Variants in CMSS1 observed in about 807,000 individuals in gnomAD.
CMSS1 encodes protein CMSS1.
CMSS1 carries 33 observed loss-of-function variants against 43.5 expected under a neutral mutation model. The observed-to-expected ratio is 0.76, with a 90% CI of 0.57 to 1.01. The LOEUF is 1.01. CMSS1 is among the 50% of genes least tolerant of loss of function. The pLI is 0.00. For synonymous variants in CMSS1, 115 were observed against 117.2 expected (o/e 0.98, Z 0.12); for missense variants, 313 against 326.4 (o/e 0.96, Z 0.32).
intron 1 of CMSS1, among the ~76,000 whole-genome samples, chr3:100,020,190 A>C (rs1374967202): frequency 6.6e-6 from 1 of 152,100 alleles, no homozygotes; most frequent in African/African-American, 2.4e-5. Context: ...TTGTATCTTC[A>C]TTTATTTTAT....
At chr3:99,968,480 A>G (rs1708721627) in intron 1 of CMSS1, among the ~76,000 whole-genome samples, 1 of 152,050 alleles carries the variant, frequency 6.6e-6, no homozygotes, top group Non-Finnish European at 1.5e-5. Flanking sequence ...CCTTGCAGGC[A>G]GGCTATCCAG....
intron 1 of CMSS1, among the ~76,000 whole-genome samples, chr3:99,853,608 G>A (rs1359416536): frequency 6.6e-6 from 1 of 152,110 alleles, no homozygotes; most frequent in South Asian, 2.1e-4. Flanking sequence ...TTTCAGCCTG[G>A]GGCATGTTGC....
chr3:99,936,882 C>T (rs953021688), intron 1 of CMSS1, among the ~76,000 whole-genome samples: 74 of 152,206 alleles, frequency 4.9e-4, no homozygotes, highest in Admixed American at 3.2e-3. Context: ...AAATGAAGCC[C>T]TACTATGTCA....
At chr3:99,910,030 A>G (rs1706743468) in intron 1 of CMSS1, among the ~76,000 whole-genome samples, 1 of 91,132 alleles carries the variant, frequency 1.1e-5, no homozygotes, top group African/African-American at 3.0e-5. Flanking sequence ...CTGATTACTT[A>G]ACAGTGAAGG....
At chr3:99,994,873 C>T (rs1274948021) in intron 1 of CMSS1, among the ~76,000 whole-genome samples, 1 of 152,170 alleles carries the variant, frequency 6.6e-6, no homozygotes, top group Admixed American at 6.5e-5. Context: ...GAGAAACTGC[C>T]TTCATGATTC....
chr3:100,033,392 A>G (rs1317519768), intron 1 of CMSS1, among the ~76,000 whole-genome samples: 5 of 152,212 alleles, frequency 3.3e-5, no homozygotes, highest in Non-Finnish European at 7.4e-5. Flanking sequence ...GAAGGCTTCC[A>G]TCAAACCCTC....
intron 1 of CMSS1, among the ~76,000 whole-genome samples, chr3:100,052,640 C>T (rs1253793540): frequency 6.6e-6 from 1 of 152,178 alleles, no homozygotes; most frequent in Non-Finnish European, 1.5e-5. Flanking sequence ...AGTATTAACA[C>T]TGAGAATCCA....
chr3:99,881,391 A>G (rs573331760), intron 1 of CMSS1, among the ~76,000 whole-genome samples: 163 of 152,182 alleles, frequency 1.1e-3, no homozygotes, highest in Non-Finnish European at 1.2e-3. Flanking sequence ...GTGAAAAAAA[A>G]CCCCCAAATC....
At chr3:99,853,197 TAAAA>T (rs947652735) in intron 1 of CMSS1, among the ~76,000 whole-genome samples, 1 of 152,074 alleles carries the variant, frequency 6.6e-6, no homozygotes, top group South Asian at 2.1e-4. Flanking sequence ...GTGAAATAGT[TAAAA>T]AAAACTTTGG....
chr3:99,892,536 G>A (rs757939480), intron 1 of CMSS1, among the ~76,000 whole-genome samples: 4 of 152,144 alleles, frequency 2.6e-5, no homozygotes, highest in African/African-American at 4.8e-5. Flanking sequence ...TGACTCCCTG[G>A]TTCTTGTGGC....
intron 9 of CMSS1, 72 bp downstream of exon 9, chr3:100,176,487 G>T: frequency 1.0e-6 from 1 of 956,648 alleles, no homozygotes; most frequent in Non-Finnish European, 1.7e-6. Context: ...CAGTAATAAA[G>T]TCTTTGACAT....
At chr3:99,913,103 A>T (rs1706843184) in intron 1 of CMSS1, among the ~76,000 whole-genome samples, 1 of 152,208 alleles carries the variant, frequency 6.6e-6, no homozygotes, top group East Asian at 1.9e-4. Flanking sequence ...AGCGGTTTAC[A>T]ACCCAGAAGA....
At chr3:99,888,160 A>G (rs888860974) in intron 1 of CMSS1, among the ~76,000 whole-genome samples, 1 of 152,212 alleles carries the variant, frequency 6.6e-6, no homozygotes, top group Non-Finnish European at 1.5e-5. Context: ...AAATGGGTCT[A>G]TGAAGTTGTA....
intron 5 of CMSS1, among the ~76,000 whole-genome samples, chr3:100,166,989 C>T (rs1340576797): frequency 6.6e-6 from 1 of 152,032 alleles, no homozygotes; most frequent in Non-Finnish European, 1.5e-5. Context: ...CTCAAGAGAT[C>T]CTCCCCACTC....
intron 1 of CMSS1, among the ~76,000 whole-genome samples, chr3:99,933,323 T>G (rs1340748064): frequency 6.6e-6 from 1 of 152,188 alleles, no homozygotes; most frequent in Non-Finnish European, 1.5e-5. Flanking sequence ...TGTCACTGGC[T>G]CTTCCCTAGG....
intron 1 of CMSS1, among the ~76,000 whole-genome samples, chr3:99,836,602 A>T (rs1942908012): frequency 6.6e-6 from 1 of 152,194 alleles, no homozygotes. Flanking sequence ...TCCCTTTCCC[A>T]GAGCCTGAGA....
intron 1 of CMSS1, among the ~76,000 whole-genome samples, chr3:100,083,790 G>C (rs2107411644): frequency 6.6e-6 from 1 of 152,198 alleles, no homozygotes; most frequent in East Asian, 1.9e-4. Flanking sequence ...GCCCAGGCTG[G>C]TTTCAAACTT....
chr3:100,037,954 T>TTC (rs1369898565), intron 1 of CMSS1, among the ~76,000 whole-genome samples: 230 of 135,862 alleles, frequency 1.7e-3, no homozygotes, highest in African/African-American at 6.2e-3. Context: ...TTTTTTTTTT[T>TTC]TTGGGGGGGG....
intron 1 of CMSS1, among the ~76,000 whole-genome samples, chr3:99,872,711 T>C (rs770366278): frequency 2.0e-5 from 3 of 152,202 alleles, no homozygotes; most frequent in Non-Finnish European, 2.9e-5. Context: ...TAATGTGTTC[T>C]CGTTCTTGGG....
Sources: allele counts gnomAD v4.1 joint callset (sites outside exome capture counted in the v4.1 genomes callset), GRCh38; gene constraint gnomAD v4.1.1; transcripts MANE v1.5; gene names NCBI Gene and HGNC (gene_info 2026-07-23, HGNC 2026-07-21).